The following DDX50 variants were observed in gnomAD, a reference collection of about 807,000 sequenced individuals.
The protein encoded by DDX50 is DExD-box helicase 50.
Under a neutral mutation model 94.8 loss-of-function variants are expected in DDX50, and 56 were observed. The observed-to-expected ratio is 0.59, with a 90% confidence interval of 0.48 to 0.74. The LOEUF (loss-of-function observed/expected upper bound fraction) is 0.74, where lower values mean the gene tolerates loss of function less well. Among genes scored for constraint, DDX50 ranks in the 30% least tolerant of loss-of-function variants. The probability of loss-of-function intolerance (pLI) is 0.00; values close to 1 mark genes in which losing one functional copy is unlikely to be tolerated. For missense variants in DDX50, 713 were observed against 881.2 expected (o/e 0.81, Z 2.42); for synonymous variants, 264 against 295.4 (o/e 0.89, Z 1.09).
intron 13 of DDX50, among the ~76,000 whole-genome samples, chr10:68,942,822 G>T (rs1277890786): frequency 6.6e-6 from 1 of 151,764 alleles, no homozygotes; most frequent in Non-Finnish European, 1.5e-5. Flanking sequence ...TCCCTATGTT[G>T]CCCAGGCTGG....
chr10:68,943,578 G>A (rs919203172), intron 14 of DDX50, among the ~76,000 whole-genome samples: 6 of 151,738 alleles, frequency 4.0e-5, no homozygotes, highest in African/African-American at 1.5e-4. Flanking sequence ...GAGCCACCAT[G>A]CCCGGATAAT....
At position 68,911,038 on chromosome 10, in the gene DDX50, G is replaced by T. The variant is rs115802907; in HGVS notation, c.461-30G>T. 6.5e-4 allele frequency: 917 copies of T among 1,405,260 alleles called. 9 individuals carry two copies. In the African/African-American group the frequency reaches 0.012, roughly 19 times the overall value. The allele number at this position is 1,405,260 out of a possible 1,614,324, so 87.0% of individuals were successfully genotyped here. A position where few individuals can be genotyped will look rare whatever the true frequency, so the allele number is the denominator to read the frequency against. ...ATTTTTTCCTAATGCTAGTCGTAAAGAAGTATTTTAATTAAATCTCATTTT... is the reference window on the plus strand; with the variant it reads ...ATTTTTTCCTAATGCTAGTCGTAAATAAGTATTTTAATTAAATCTCATTTT... On this transcript the variant is annotated intron_variant, in intron 3 of 14. Transcript: ENST00000373585.
At position 68,913,257 on chromosome 10, in the gene DDX50, T is replaced by G. The variant is rs1487618799; in HGVS notation, c.735T>G (p.Gly245=). Residue 245 remains glycine, a synonymous_variant, in exon 5 of 15, where the codon GGT becomes GGG. Coordinates refer to ENST00000373585, the MANE Select transcript of DDX50 (RefSeq NM_024045.2). ...AACTCAGCGTGGCGTGTTTTTATGG[T>G]GGAACATCATATCAAAGCCAAAGTG... ...TRKLSVACFY[G]GTSYQSQINH... is the part of the protein sequence containing the mutation. 6.2e-7 allele frequency: 1 copy of G among 1,612,888 alleles called. No individual in the cohort carries two copies. The highest frequency in any genetic ancestry group is 2.2e-5 in the East Asian group (1 of 44,874).
intron 1 of DDX50, among the ~76,000 whole-genome samples, chr10:68,905,176 C>A (rs927043973): frequency 3.3e-5 from 5 of 152,304 alleles, no homozygotes; most frequent in Admixed American, 6.5e-5. Context: ...CTCGCCCCCC[C>A]AGAGTGCTGG....
intron 2 of DDX50, among the ~76,000 whole-genome samples, chr10:68,909,988 T>TTC: frequency 6.6e-6 from 1 of 152,232 alleles, no homozygotes; most frequent in East Asian, 1.9e-4. Context: ...GCCAGGAGTT[T>TTC]AAGATCTGCC....
intron 7 of DDX50, among the ~76,000 whole-genome samples, 191 bp from the exon 8 acceptor site, chr10:68,919,641 A>G (rs747278678): frequency 9.9e-5 from 15 of 151,996 alleles, no homozygotes; most frequent in Admixed American, 5.9e-4. Flanking sequence ...AATATACTGC[A>G]GTTTGTTTAT....
At chr10:68,913,608 AATT>A (rs1841700201) in intron 6 of DDX50, 32 bp downstream of exon 6, 2 of 1,571,754 alleles carry the variant, frequency 1.3e-6, no homozygotes, top group Non-Finnish European at 1.7e-6. Context: ...GCACATTAGC[AATT>A]ATTGTTCGAT....
chr10:68,946,681 A>G lies in DDX50; in HGVS notation c.*51A>G, dbSNP rs779584144. ...TGAGCTTGCCTATTTCTGCCTAATCATGTACATTATCCACCAAAAATTAGG... is the reference window on the plus strand; with the variant it reads ...TGAGCTTGCCTATTTCTGCCTAATCGTGTACATTATCCACCAAAAATTAGG... On this transcript the variant is annotated 3_prime_UTR_variant, in exon 15 of 15. Transcript: ENST00000373585. 13 of 1,567,294 alleles carry G rather than the reference A, an allele frequency of 8.3e-6. No homozygotes were observed. The highest frequency in any genetic ancestry group is 1.0e-5 in the Non-Finnish European group (12 of 1,154,324).
chr10:68,907,144 A>G (rs751077209), intron 2 of DDX50, 137 bp downstream of exon 2: 29 of 861,314 alleles, frequency 3.4e-5, no homozygotes, highest in Non-Finnish European at 4.5e-5. Flanking sequence ...TAGAGTCTGT[A>G]CAGGTGAAGC....
rs1841895749 is a variant in DDX50, at chr10:68,919,830, A to C, written c.1090-2A>C. 1 of 1,609,578 alleles carries C rather than the reference A, an allele frequency of 6.2e-7. No homozygotes were observed. Among genetic ancestry groups the C allele is most frequent in the African/African-American group, 1.3e-5 (1 of 74,702 alleles). ...ATAATGTGGTATTTTCTTTCTTCAA[A>C]GCATTTGGCCATCCAGTGTCATTGG... On this transcript the variant is annotated splice_acceptor_variant, in intron 7 of 14. Coordinates refer to ENST00000373585, the MANE Select transcript of DDX50 (RefSeq NM_024045.2). LOFTEE classifies it high-confidence loss of function.
At chr10:68,907,975 G>A (rs1841506409) in intron 2 of DDX50, among the ~76,000 whole-genome samples, 1 of 152,124 alleles carries the variant, frequency 6.6e-6, no homozygotes, top group Non-Finnish European at 1.5e-5. Flanking sequence ...GAAGAGGTGT[G>A]CAGAGCTGTA....
chr10:68,909,471 T>G (rs746080744), intron 2 of DDX50, among the ~76,000 whole-genome samples: 1 of 152,242 alleles, frequency 6.6e-6, no homozygotes, highest in Non-Finnish European at 1.5e-5. Flanking sequence ...AATTTTTAAC[T>G]TATTTTCAGA....
intron 1 of DDX50, among the ~76,000 whole-genome samples, chr10:68,905,741 G>A (rs368750546): frequency 8.5e-5 from 13 of 152,244 alleles, no homozygotes; most frequent in African/African-American, 2.4e-4. Context: ...GTGAAACCTC[G>A]TTTCTACTAA....
Position 68,946,711 on chromosome 10 carries a change from C to G in DDX50, c.*81C>G. 12 of 1,518,338 alleles carry G rather than the reference C, an allele frequency of 7.9e-6. No individual in the cohort carries two copies. Among genetic ancestry groups the G allele is most frequent in the Admixed American group, 2.0e-5 (1 of 50,886 alleles). The allele number at this position is 1,518,338 out of a possible 1,614,324, so 94.1% of individuals were successfully genotyped here. On this transcript the variant is annotated 3_prime_UTR_variant, in exon 15 of 15. Transcript: ENST00000373585. ...CATTATCCACCAAAAATTAGGTCAT[C>G]ATAGTTGAGGTATGTGTCTGCTATT...
At chr10:68,925,625 G>A (rs1453191665) in intron 8 of DDX50, among the ~76,000 whole-genome samples, 1 of 152,118 alleles carries the variant, frequency 6.6e-6, no homozygotes. Context: ...TGTAATTCTA[G>A]CACTTTGGGA....
At position 68,946,409 on chromosome 10, in the gene DDX50, G is replaced by A. The variant is rs934017065; in HGVS notation, c.1993G>A (p.Glu665Lys). Residue 665 changes from glutamate to lysine, a missense_variant, in exon 15 of 15, where the codon GAA becomes AAA. Physicochemically the swap from Glu to Lys is moderately conservative, Grantham distance 56. This residue lies in a region of DDX50 where 428 missense variants were observed against 602.3 expected (regional missense o/e 0.71). Transcript: ENST00000373585. ...AGTGCCAGCCAAATTACCTGAAATT[G>A]AAGAATATTATGATGGAAACACATC... ...LSVPAKLPEI[E>K]EYYDGNTSSN... 1.2e-5 allele frequency: 20 copies of A among 1,614,196 alleles called. No individual in the cohort carries two copies. The highest frequency in any genetic ancestry group is 1.4e-5 in the Non-Finnish European group (17 of 1,180,032).
In DDX50 at chr10:68,941,180, C is replaced by T. The variant is rs961083633; in HGVS notation, c.1876C>T (p.Leu626=). The T allele has an allele frequency of 5.6e-6, 9 of 1,612,578 alleles. No individual in the cohort carries two copies. The South Asian group carries it at 9.9e-5, about 18-fold the overall frequency. Residue 626 remains leucine (L), a synonymous_variant, in exon 13 of 15, where the codon CTG becomes TTG. Transcript: ENST00000373585. ...GTCTCAGATTACCAGAATGTGCCTC[C>T]TGAAAGGAAATATGGTAGGCTTTTC... ...AVSQITRMCL[L]KGNMGVCFDV...
chr10:68,911,083 A>C lies in DDX50; in HGVS notation c.476A>C (p.Tyr159Ser). Residue 159 changes from tyrosine to serine, a missense_variant, in exon 4 of 15, where the codon TAT becomes TCT. Physicochemically the swap from Tyr to Ser is moderately radical, Grantham distance 144. This residue lies in a region of DDX50 where 285 missense variants were observed against 278.9 expected (regional missense o/e 1.02). Transcript: ENST00000373585. ...IKLLKGRGVT[Y>S]LFPIQVKTFG... ...CATTTTACAGGTCGAGGGGTAACAT[A>C]TCTCTTTCCTATTCAAGTTAAGACC... 3.9e-6 allele frequency: 6 copies of C among 1,553,998 alleles called. No individual in the cohort carries two copies. Among genetic ancestry groups the C allele is most frequent in the Non-Finnish European group, 5.2e-6 (6 of 1,154,970 alleles).
intron 1 of DDX50, among the ~76,000 whole-genome samples, chr10:68,902,466 A>G (rs546099808): frequency 6.6e-6 from 1 of 152,318 alleles, no homozygotes; most frequent in African/African-American, 2.4e-5. Context: ...ATTGTGCTAA[A>G]ATACACATAA....
Sources: allele counts gnomAD v4.1 joint callset (sites outside exome capture counted in the v4.1 genomes callset), GRCh38; gene constraint gnomAD v4.1.1; regional missense constraint gnomAD v4.1.1; transcripts MANE v1.5; gene names NCBI Gene and HGNC (gene_info 2026-07-23, HGNC 2026-07-21).